The following ATF3 variants were observed in gnomAD, a reference collection of about 807,000 sequenced individuals.
ATF3 encodes activating transcription factor 3.
ATF3 carries 10 observed loss-of-function variants against 18.4 expected under a neutral mutation model. The observed-to-expected ratio is 0.54, with a 90% CI of 0.34 to 0.92. The LOEUF (loss-of-function observed/expected upper bound fraction) is 0.92, where lower values mean the gene tolerates loss of function less well. Ranked by LOEUF, ATF3 falls within the 40% of genes least tolerant of loss-of-function variation. The pLI is 0.02. For missense variants in ATF3, 183 were observed against 222.3 expected (o/e 0.82, Z 1.12); for synonymous variants, 78 against 87.9 (o/e 0.89, Z 0.63).
At chr1:212,584,216 A>G (rs941493866) in intron 1 of ATF3, among the ~76,000 whole-genome samples, 1 of 152,174 alleles carries the variant, frequency 6.6e-6, no homozygotes, top group Non-Finnish European at 1.5e-5. Context: ...ATTTTCTCCC[A>G]CTGGAATACA....
rs1204381221 is a variant in ATF3 at position 212,570,967 on chromosome 1, C to T, written c.-5+5484C>T. ...TTTATAGACATATGCTTTCATTTTT[C>T]TTGGATAAATACCTATGGGTGGAAT... On this transcript the variant is annotated intron_variant, in intron 1 of 3. Transcript: ENST00000366981. Among the ~76,000 whole-genome samples the T allele has an allele frequency of 5.3e-5, 8 of 152,214 alleles. No individual in the cohort carries two copies. In the South Asian group the frequency reaches 1.5e-3, roughly 28 times the overall value.
chr1:212,613,001 C>A (rs920705999), intron 1 of ATF3, among the ~76,000 whole-genome samples: 1 of 152,042 alleles, frequency 6.6e-6, no homozygotes, highest in African/African-American at 2.4e-5. Flanking sequence ...GAAAATAGGG[C>A]GATTATTACA....
At chr1:212,617,461 T>C (rs182739704) in intron 2 of ATF3, among the ~76,000 whole-genome samples, 6 of 152,338 alleles carry the variant, frequency 3.9e-5, no homozygotes, top group African/African-American at 9.6e-5. Context: ...ACTGGCATGA[T>C]TGCAGCCTTT....
upstream of ATF3, among the ~76,000 whole-genome samples, chr1:212,604,106 T>C (rs1654558435): frequency 6.6e-6 from 1 of 152,254 alleles, no homozygotes; most frequent in African/African-American, 2.4e-5. Context: ...ATGAATCTTT[T>C]ATCTTCAAAT....
intron 1 of ATF3, among the ~76,000 whole-genome samples, chr1:212,603,726 GA>G (rs1654545869): frequency 3.3e-5 from 5 of 151,928 alleles, no homozygotes. Flanking sequence ...TCTACTTCTT[GA>G]GTGGTGAGTT....
intron 1 of ATF3, among the ~76,000 whole-genome samples, chr1:212,599,766 G>T (rs150310389): frequency 2.5e-4 from 38 of 152,278 alleles, no homozygotes; most frequent in Middle Eastern, 3.4e-3. Context: ...TGAGATAGGG[G>T]CATTCCTCCC....
At chr1:212,593,719 T>A (rs920318217) in intron 1 of ATF3, among the ~76,000 whole-genome samples, 1 of 136,752 alleles carries the variant, frequency 7.3e-6, no homozygotes, top group Admixed American at 8.1e-5. Context: ...CCAGCCTGGA[T>A]GATAGAGAGA....
At chr1:212,607,821 C>T (rs979516749), upstream of ATF3, among the ~76,000 whole-genome samples, 1 of 152,236 alleles carries the variant, frequency 6.6e-6, no homozygotes, top group Non-Finnish European at 1.5e-5. Context: ...CACCGGGTTG[C>T]CTCTGATTCC....
chr1:212,607,928 C>T (rs886942331), upstream of ATF3, among the ~76,000 whole-genome samples: 6 of 152,172 alleles, frequency 3.9e-5, no homozygotes, highest in African/African-American at 1.4e-4. Context: ...AAAATCGAAC[C>T]GATACGGTCC....
At chr1:212,576,726 T>TTTC (rs937431084) in intron 1 of ATF3, among the ~76,000 whole-genome samples, 3 of 123,266 alleles carry the variant, frequency 2.4e-5, no homozygotes, top group African/African-American at 9.4e-5. Flanking sequence ...CTTTTCTTTT[T>TTTC]TTTTTTTTTT....
At chr1:212,572,155 A>G (rs1664496361) in intron 1 of ATF3, among the ~76,000 whole-genome samples, 1 of 152,136 alleles carries the variant, frequency 6.6e-6, no homozygotes, top group African/African-American at 2.4e-5. Flanking sequence ...ACTCTTATCG[A>G]TACTTGCTTT....
chr1:212,567,777 G>T (rs911734493), intron 1 of ATF3, among the ~76,000 whole-genome samples: 1 of 152,180 alleles, frequency 6.6e-6, no homozygotes, highest in African/African-American at 2.4e-5. Context: ...AGCCCATGGG[G>T]AGGGGGACTG....
chr1:212,605,344 C>T (rs1210919249), upstream of ATF3, among the ~76,000 whole-genome samples: 1 of 152,192 alleles, frequency 6.6e-6, no homozygotes, highest in Non-Finnish European at 1.5e-5. Flanking sequence ...CTAGCAATCC[C>T]CACATTCAAA....
chr1:212,574,837 G>A (rs889342560), intron 1 of ATF3, among the ~76,000 whole-genome samples: 9 of 151,772 alleles, frequency 5.9e-5, no homozygotes, highest in Admixed American at 2.0e-4. Context: ...GCTTTTGTTC[G>A]GTTCCATTAA....
chr1:212,593,914 G>A (rs1325122548), intron 1 of ATF3, among the ~76,000 whole-genome samples: 1 of 152,150 alleles, frequency 6.6e-6, no homozygotes, highest in Non-Finnish European at 1.5e-5. Context: ...AATCTGTGAT[G>A]TTGAGTAGCC....
At chr1:212,579,497 A>G (rs1004983589) in intron 1 of ATF3, among the ~76,000 whole-genome samples, 5 of 152,214 alleles carry the variant, frequency 3.3e-5, no homozygotes, top group African/African-American at 1.2e-4. Context: ...CTAACATGTC[A>G]AAAACTGAAG....
intron 2 of ATF3, among the ~76,000 whole-genome samples, chr1:212,617,236 C>G (rs912863792): frequency 7.9e-5 from 12 of 152,186 alleles, no homozygotes; most frequent in African/African-American, 2.2e-4. Context: ...GCCTTGGGAC[C>G]AGGTGTTGCT....
At chr1:212,571,654 C>T (rs1232098065) in intron 1 of ATF3, among the ~76,000 whole-genome samples, 2 of 151,564 alleles carry the variant, frequency 1.3e-5, no homozygotes, top group South Asian at 2.1e-4. Flanking sequence ...AGTTGATCCA[C>T]CCACCTTGGC....
At chr1:212,607,494 T>C (rs139998154), upstream of ATF3, among the ~76,000 whole-genome samples, 41 of 152,280 alleles carry the variant, frequency 2.7e-4, 1 homozygote, top group East Asian at 7.9e-3. Context: ...GTTTTTAAGG[T>C]TCAAACCCAG....
Sources: allele counts gnomAD v4.1 joint callset (sites outside exome capture counted in the v4.1 genomes callset), GRCh38; gene constraint gnomAD v4.1.1; transcripts MANE v1.5; gene names NCBI Gene and HGNC (gene_info 2026-07-23, HGNC 2026-07-21).